Variants in ITPRID1 observed in about 807,000 individuals in gnomAD.
The protein encoded by ITPRID1 is protein ITPRID1.
In ITPRID1, 96 loss-of-function variants were observed where a neutral mutation model predicts 95.4. The observed-to-expected ratio is 1.01, with a 90% CI of 0.85 to 1.19. The LOEUF (loss-of-function observed/expected upper bound fraction) is 1.19. Among genes scored for constraint, ITPRID1 ranks in the 50% most tolerant of loss-of-function variants. ITPRID1 has a pLI of 0.00. For missense variants in ITPRID1, 1,339 were observed against 1,252.9 expected (o/e 1.07, Z -1.04); for synonymous variants, 510 against 453.6 (o/e 1.12, Z -1.58).
At chr7:31,613,746 A>T (rs926916121) in intron 10 of ITPRID1, among the ~76,000 whole-genome samples, 1 of 152,222 alleles carries the variant, frequency 6.6e-6, no homozygotes, top group Non-Finnish European at 1.5e-5. Flanking sequence ...AATAACCAAC[A>T]GCACTCTGGG....
At chr7:31,569,197 G>A (rs1317051719) in intron 5 of ITPRID1, among the ~76,000 whole-genome samples, 2 of 152,122 alleles carry the variant, frequency 1.3e-5, no homozygotes, top group African/African-American at 4.8e-5. Flanking sequence ...AATGAGGATA[G>A]GTTCTAATTT....
In ITPRID1 at chr7:31,655,324, A is replaced by G. The variant is rs888847130; in HGVS notation, c.*2495A>G. Among the ~76,000 whole-genome samples the G allele has an allele frequency of 3.9e-5, 6 of 152,048 alleles. No individual in the cohort carries two copies. Among genetic ancestry groups the G allele is most frequent in the African/African-American group, 1.4e-4 (6 of 41,396 alleles). ...CCTCAGTCAGTCAATGACCACACCA[A>G]TGCTGAGTCTACTGCCACAAAATAC... is the stretch of plus-strand genomic sequence containing the variant. On this transcript the variant is annotated 3_prime_UTR_variant, in exon 15 of 15. Coordinates refer to ENST00000615280, the MANE Select transcript of ITPRID1 (RefSeq NM_001257967.3).
chr7:31,601,660 C>A (rs1225474175), intron 10 of ITPRID1, among the ~76,000 whole-genome samples: 1 of 152,110 alleles, frequency 6.6e-6, no homozygotes, highest in Non-Finnish European at 1.5e-5. Flanking sequence ...GGTTTATTAC[C>A]ACTGGCCTCC....
At chr7:31,567,088 G>A (rs1562574175) in intron 5 of ITPRID1, among the ~76,000 whole-genome samples, 1 of 152,140 alleles carries the variant, frequency 6.6e-6, no homozygotes, top group African/African-American at 2.4e-5. Flanking sequence ...AAAGACTGGT[G>A]TTCTGATTCT....
At chr7:31,586,775 T>C (rs1179797802) in intron 10 of ITPRID1, among the ~76,000 whole-genome samples, 1 of 152,052 alleles carries the variant, frequency 6.6e-6, no homozygotes, top group East Asian at 1.9e-4. Context: ...GAAAATTTTC[T>C]CCCATTTTGT....
chr7:31,517,038 G>A (rs1783065363), intron 1 of ITPRID1, among the ~76,000 whole-genome samples: 1 of 152,108 alleles, frequency 6.6e-6, no homozygotes, highest in South Asian at 2.1e-4. Flanking sequence ...TCTTAAAACT[G>A]GTATGAACCC....
At chr7:31,644,074 C>A (rs948592652) in intron 12 of ITPRID1, 121 bp downstream of exon 12, 1 of 838,920 alleles carries the variant, frequency 1.2e-6, no homozygotes, top group Non-Finnish European at 1.8e-6. Flanking sequence ...TATTTTAAAT[C>A]ATGAATAACA....
intron 1 of ITPRID1, among the ~76,000 whole-genome samples, chr7:31,547,672 G>A (rs543727426): frequency 1.3e-5 from 2 of 152,172 alleles, no homozygotes; most frequent in South Asian, 4.2e-4. Flanking sequence ...TTTAATGTGG[G>A]AATGAAAGGA....
Position 31,643,967 on chromosome 7 carries a change from C to A in ITPRID1, c.2583+14C>A. 6.3e-7 allele frequency: 1 copy of A among 1,586,176 alleles called. No individual in the cohort carries two copies. The highest frequency in any genetic ancestry group is 1.1e-5 in the South Asian group (1 of 87,058). ...GAGCTATGTTCCGTAAGTGTTCACC[C>A]TGGCAAAGATGGAAAGGCAGATGCA... On this transcript the variant is annotated intron_variant, in intron 12 of 14. Transcript: ENST00000615280.
chr7:31,561,949 G>A (rs987711757), intron 5 of ITPRID1, among the ~76,000 whole-genome samples: 1 of 150,518 alleles, frequency 6.6e-6, no homozygotes, highest in Non-Finnish European at 1.5e-5. Context: ...GGTCAATAGT[G>A]GTGTTAAAGA....
At chr7:31,645,852 C>A (rs1029260963) in intron 12 of ITPRID1, among the ~76,000 whole-genome samples, 1 of 152,080 alleles carries the variant, frequency 6.6e-6, no homozygotes, top group Non-Finnish European at 1.5e-5. Context: ...ACAATGAATT[C>A]TTTGGCCCAA....
chr7:31,651,364 G>T, intron 13 of ITPRID1, 95 bp downstream of exon 13: 4 of 1,362,156 alleles, frequency 2.9e-6, no homozygotes, highest in Non-Finnish European at 3.9e-6. Flanking sequence ...CCCTGGAGCA[G>T]AGCTAATGAG....
chr7:31,554,548 C>G lies in ITPRID1; in HGVS notation c.212+25C>G, dbSNP rs1236305945. ...TGTAAGTGTTTTTGTGTGTGTGTGC[C>G]TTACATGTTTCTCTTGCAAAGATCC... On this transcript the variant is annotated intron_variant, in intron 4 of 14. Coordinates refer to ENST00000615280, the MANE Select transcript of ITPRID1 (RefSeq NM_001257967.3). 6.8e-6 allele frequency: 11 copies of G among 1,610,346 alleles called. No homozygotes were observed. The East Asian group carries it at 2.5e-4, about 36-fold the overall frequency.
At chr7:31,561,699 T>A (rs1784628317) in intron 5 of ITPRID1, among the ~76,000 whole-genome samples, 1 of 152,164 alleles carries the variant, frequency 6.6e-6, no homozygotes, top group African/African-American at 2.4e-5. Flanking sequence ...CAGTCTCATC[T>A]CCAGGGCGTT....
At chr7:31,587,109 T>G (rs891319388) in intron 10 of ITPRID1, among the ~76,000 whole-genome samples, 3 of 152,210 alleles carry the variant, frequency 2.0e-5, no homozygotes, top group East Asian at 1.9e-4. Flanking sequence ...CACCACTCCT[T>G]TTCAACATAG....
chr7:31,544,774 C>T (rs1331953361), intron 1 of ITPRID1, among the ~76,000 whole-genome samples: 2 of 152,034 alleles, frequency 1.3e-5, no homozygotes, highest in East Asian at 1.9e-4. Context: ...TTTAATAGCT[C>T]ATTTATACAA....
intron 5 of ITPRID1, among the ~76,000 whole-genome samples, chr7:31,558,580 G>A (rs1374057212): frequency 1.3e-5 from 2 of 152,172 alleles, no homozygotes; most frequent in Admixed American, 6.5e-5. Context: ...CTAGGTTCTA[G>A]AGACCTTAAG....
At chr7:31,597,029 CAT>C (rs1047722890) in intron 10 of ITPRID1, among the ~76,000 whole-genome samples, 2 of 151,324 alleles carry the variant, frequency 1.3e-5, no homozygotes, top group African/African-American at 4.8e-5. Context: ...GAAAAGAAAA[CAT>C]AATATTAAAA....
At chr7:31,569,243 G>T (rs2128142658) in intron 5 of ITPRID1, among the ~76,000 whole-genome samples, 1 of 152,228 alleles carries the variant, frequency 6.6e-6, no homozygotes, top group Admixed American at 6.5e-5. Flanking sequence ...TACAAATGAA[G>T]GGAATATGCT....
Sources: allele counts gnomAD v4.1 joint callset (sites outside exome capture counted in the v4.1 genomes callset), GRCh38; gene constraint gnomAD v4.1.1; transcripts MANE v1.5; gene names NCBI Gene and HGNC (gene_info 2026-07-23, HGNC 2026-07-21).